MGAT5: variants seen among roughly 807,000 people sequenced by gnomAD.
MGAT5 encodes the protein alpha-1,6-mannosylglycoprotein 6-beta-N-acetylglucosaminyltransferase, also known as alpha-1,6-mannosylglycoprotein 6-beta-N-acetylglucosaminyltransferase A.
A neutral mutation model predicts 94.3 loss-of-function variants in MGAT5; 30 were observed. The observed-to-expected ratio is 0.32, with a 90% CI of 0.24 to 0.43. The LOEUF (loss-of-function observed/expected upper bound fraction) is 0.43, where lower values mean the gene tolerates loss of function less well. Among genes scored for constraint, MGAT5 ranks in the 20% least tolerant of loss-of-function variants. The probability of loss-of-function intolerance (pLI) is 1.00; values close to 1 mark genes in which losing one functional copy is unlikely to be tolerated. For synonymous variants in MGAT5, 310 were observed against 322.9 expected (o/e 0.96, Z 0.43); for missense variants, 691 against 905.5 (o/e 0.76, Z 3.04).
chr2:134,343,819 C>T (rs1034180976), intron 7 of MGAT5, among the ~76,000 whole-genome samples: 3 of 152,092 alleles, frequency 2.0e-5, no homozygotes, highest in Admixed American at 1.3e-4. Context: ...CTATTGTTTA[C>T]GTATCATATA....
intron 2 of MGAT5, among the ~76,000 whole-genome samples, chr2:134,303,520 C>T (rs989574229): frequency 2.6e-5 from 4 of 152,026 alleles, no homozygotes; most frequent in African/African-American, 9.7e-5. Flanking sequence ...ATTTTTTTCC[C>T]TAGTCTTGGA....
At chr2:134,316,215 T>G (rs1180708818) in intron 2 of MGAT5, among the ~76,000 whole-genome samples, 1 of 152,160 alleles carries the variant, frequency 6.6e-6, no homozygotes, top group Non-Finnish European at 1.5e-5. Context: ...CTCCATAACA[T>G]TATTCTGCCG....
chr2:134,140,598 A>G (rs532631932), intron 1 of MGAT5, among the ~76,000 whole-genome samples: 1 of 152,358 alleles, frequency 6.6e-6, no homozygotes, highest in African/African-American at 2.4e-5. Context: ...TATCAGAAAC[A>G]GGGCACAAAG....
At chr2:134,194,275 C>G (rs1679386969) in intron 1 of MGAT5, among the ~76,000 whole-genome samples, 1 of 151,974 alleles carries the variant, frequency 6.6e-6, no homozygotes, top group Non-Finnish European at 1.5e-5. Context: ...CTTCTCGGAG[C>G]TATCTGCAAT....
At chr2:134,354,862 G>A (rs1484378439) in intron 9 of MGAT5, among the ~76,000 whole-genome samples, 3 of 152,088 alleles carry the variant, frequency 2.0e-5, no homozygotes, top group Non-Finnish European at 4.4e-5. Flanking sequence ...CCTTCTGTCC[G>A]CATGCTAAAA....
chr2:134,286,296 C>T (rs577818784), intron 2 of MGAT5, among the ~76,000 whole-genome samples: 1 of 152,318 alleles, frequency 6.6e-6, no homozygotes, highest in South Asian at 2.1e-4. Flanking sequence ...AGGACTGTTT[C>T]CAAAGCCCCT....
chr2:134,182,787 T>TTG (rs1430912613), intron 1 of MGAT5, among the ~76,000 whole-genome samples: 33 of 141,820 alleles, frequency 2.3e-4, no homozygotes, highest in African/African-American at 7.1e-4. Flanking sequence ...TTAGTTTTTT[T>TTG]TTTTTTTTTT....
intron 1 of MGAT5, among the ~76,000 whole-genome samples, chr2:134,235,601 A>G (rs1309732962): frequency 6.6e-6 from 1 of 152,122 alleles, no homozygotes; most frequent in Non-Finnish European, 1.5e-5. Context: ...AAATCAGGGC[A>G]CTTTAAAAAA....
At chr2:134,230,182 A>C (rs1185410291) in intron 1 of MGAT5, among the ~76,000 whole-genome samples, 1 of 152,136 alleles carries the variant, frequency 6.6e-6, no homozygotes, top group African/African-American at 2.4e-5. Flanking sequence ...TTAGATTCTC[A>C]TAAGGAGTGT....
At chr2:134,357,959 CAT>C (rs1285568585) in intron 9 of MGAT5, among the ~76,000 whole-genome samples, 2 of 151,774 alleles carry the variant, frequency 1.3e-5, no homozygotes, top group Non-Finnish European at 2.9e-5. Flanking sequence ...TCTTGTGTGA[CAT>C]AACTATTTTT....
intron 1 of MGAT5, among the ~76,000 whole-genome samples, chr2:134,224,432 C>A (rs1015599938): frequency 6.6e-6 from 1 of 152,110 alleles, no homozygotes; most frequent in South Asian, 2.1e-4. Flanking sequence ...AAATGTTAAA[C>A]CTTTAGTATC....
intron 1 of MGAT5, among the ~76,000 whole-genome samples, chr2:134,265,670 G>A (rs546212969): frequency 6.6e-6 from 1 of 152,218 alleles, no homozygotes; most frequent in East Asian, 1.9e-4. Flanking sequence ...TATTGCAAAG[G>A]CTTTGAAGCA....
intron 1 of MGAT5, among the ~76,000 whole-genome samples, chr2:134,195,713 A>C (rs974906494): frequency 2.0e-5 from 3 of 152,154 alleles, no homozygotes; most frequent in African/African-American, 4.8e-5. Flanking sequence ...TAACGTCTAT[A>C]ATCTTTTCTG....
At position 134,450,783 on chromosome 2, in the gene MGAT5, AGTGTGTGTGTGT is replaced by A. The variant is rs58666142; in HGVS notation, c.*1973_*1984del. Reference sequence around the variant, plus strand: ...AGTCCAAAGGAAACCTTGGTGAGTGAGTGTGTGTGTGTGTGTGTGTGTGTGTGTGTGTGTGTG... The same window carrying A: ...AGTCCAAAGGAAACCTTGGTGAGTGAGTGTGTGTGTGTGTGTGTGTGTGTG... On this transcript the variant is annotated 3_prime_UTR_variant, in exon 16 of 16. Coordinates refer to ENST00000281923, the MANE Select transcript of MGAT5 (RefSeq NM_002410.5). 0.041 allele frequency: 5,618 copies of A among 137,354 alleles called. 131 individuals are homozygous for A. The highest frequency in any genetic ancestry group is 0.15 in the Middle Eastern group (40 of 270). The allele number at this position is 137,354 out of a possible 1,614,324, so 8.5% of individuals were successfully genotyped here.
chr2:134,165,113 A>G (rs1687911460), intron 1 of MGAT5, among the ~76,000 whole-genome samples: 1 of 152,198 alleles, frequency 6.6e-6, no homozygotes. Flanking sequence ...CTGGCTTTTG[A>G]GCACTTAAAA....
rs1685958159 is a variant in MGAT5, at chr2:134,449,085, A to G, written c.*238A>G. On this transcript the variant is annotated 3_prime_UTR_variant, in exon 16 of 16. Coordinates refer to ENST00000281923, the MANE Select transcript of MGAT5 (RefSeq NM_002410.5). Reference sequence around the variant, plus strand: ...CCTGGCTTGTCCCTGGCACAACATCATTTCTGTTTCTCAAGGAGCAACTGT... The same window carrying G: ...CCTGGCTTGTCCCTGGCACAACATCGTTTCTGTTTCTCAAGGAGCAACTGT... The G allele has an allele frequency of 1.8e-6, 1 of 551,762 alleles. No individual in the cohort carries two copies. Among genetic ancestry groups the G allele is most frequent in the Non-Finnish European group, 3.3e-6 (1 of 307,590 alleles). 34.2% of individuals were successfully genotyped at this position (551,762 alleles called of 1,614,324 possible).
chr2:134,193,968 C>T (rs980007299), intron 1 of MGAT5, among the ~76,000 whole-genome samples: 3 of 152,170 alleles, frequency 2.0e-5, no homozygotes, highest in African/African-American at 7.2e-5. Context: ...ATATATCTTC[C>T]GCTGGACACT....
intron 2 of MGAT5, among the ~76,000 whole-genome samples, chr2:134,299,782 T>TC (rs1685907401): frequency 6.6e-6 from 1 of 152,136 alleles, no homozygotes; most frequent in South Asian, 2.1e-4. Flanking sequence ...AATCCCATAG[T>TC]CCATGTCCAA....
intron 10 of MGAT5, among the ~76,000 whole-genome samples, chr2:134,365,479 C>A (rs905378885): frequency 6.6e-6 from 1 of 152,062 alleles, no homozygotes; most frequent in Non-Finnish European, 1.5e-5. Context: ...TAACAGAAAT[C>A]AAAAAAATGC....
Sources: gnomAD v4.1 joint callset for allele counts (sites outside exome capture counted in the v4.1 genomes callset) on GRCh38, gnomAD v4.1.1 for gene constraint, MANE v1.5 for transcripts, NCBI Gene and HGNC (gene_info 2026-07-23, HGNC 2026-07-21) for gene names.